Variants in SYNJ2 observed in about 807,000 individuals in gnomAD.
The protein encoded by SYNJ2 is synaptojanin 2, also known as polyphosphatidylinositol phosphatase SYNJ2.
In SYNJ2, 116 loss-of-function variants were observed where a neutral mutation model predicts 141.3. The observed-to-expected ratio is 0.82, with a 90% CI of 0.71 to 0.96. SYNJ2 has a LOEUF of 0.96. Ranked by LOEUF, SYNJ2 falls within the 40% of genes least tolerant of loss-of-function variation. SYNJ2 has a pLI of 0.00. For missense variants in SYNJ2, 1,873 were observed against 1,934.8 expected (o/e 0.97, Z 0.60); for synonymous variants, 745 against 777.7 (o/e 0.96, Z 0.70).
At chr6:158,068,561 C>T (rs909365408) in intron 12 of SYNJ2, 86 bp from the exon 13 acceptor site, 41 of 1,468,302 alleles carry the variant, frequency 2.8e-5, no homozygotes, top group Non-Finnish European at 3.6e-5. Context: ...CAGCATGACT[C>T]GGGAGAGGGC....
At chr6:158,079,473 A>G (rs1345361120) in intron 18 of SYNJ2, 3 of 151,426 alleles carry the variant, frequency 2.0e-5, no homozygotes, top group African/African-American at 7.3e-5. Context: ...CCAGGGTATA[A>G]GTGATTTTCA....
chr6:158,065,063 G>A, intron 11 of SYNJ2, 72 bp downstream of exon 11: 1 of 1,454,244 alleles, frequency 6.9e-7, no homozygotes, highest in South Asian at 1.4e-5. Flanking sequence ...CACCGCCTCT[G>A]TGCTATCCAG....
At chr6:158,094,082 A>G (rs984203316) in intron 26 of SYNJ2, 14 of 711,476 alleles carry the variant, frequency 2.0e-5, no homozygotes, top group African/African-American at 1.2e-4. Context: ...CTTCCCCCCT[A>G]GAGAGTGTGA....
chr6:157,981,519 C>T (rs557964214), upstream of SYNJ2, among the ~76,000 whole-genome samples: 1 of 152,288 alleles, frequency 6.6e-6, no homozygotes, highest in East Asian at 1.9e-4. This position sits in a 1 kb window ranked among gnomAD's most constrained non-coding sequence, Gnocchi z 6.4. Context: ...GAACAGTCAG[C>T]GGGTCCAGCC....
At position 158,097,851 on chromosome 6, in the gene SYNJ2, A is replaced by AAAT. The variant is rs1783870207; in HGVS notation, c.*1489_*1490insTAA. 6.6e-6 allele frequency: 1 copy of AAAT among 152,070 alleles called. No homozygotes were observed. The highest frequency in any genetic ancestry group is 6.6e-5 in the Admixed American group (1 of 15,264). The allele number at this position is 152,070 out of a possible 1,614,324, so 9.4% of individuals were successfully genotyped here. ...TAATACCTGGAAAAGGATAAAAAAA[A>AAAT]AAAGGAATCCGTGACCCACAGAGCT... On this transcript the variant is annotated 3_prime_UTR_variant, in exon 27 of 27. Coordinates refer to ENST00000355585, the MANE Select transcript of SYNJ2 (RefSeq NM_003898.4).
intron 4 of SYNJ2, among the ~76,000 whole-genome samples, chr6:158,042,144 C>T (rs1288944668): frequency 2.0e-5 from 3 of 152,254 alleles, no homozygotes; most frequent in South Asian, 2.1e-4. Flanking sequence ...TGTCTGTAGC[C>T]GTTCAAGCAA....
chr6:158,000,505 C>T (rs1187676866), intron 1 of SYNJ2, among the ~76,000 whole-genome samples: 1 of 152,130 alleles, frequency 6.6e-6, no homozygotes, highest in Non-Finnish European at 1.5e-5. Flanking sequence ...GAAAACAGGT[C>T]CCAGTGGGTC....
At chr6:158,074,869 G>C (rs1782168807) in intron 16 of SYNJ2, 131 bp downstream of exon 16, 1 of 1,144,836 alleles carries the variant, frequency 8.7e-7, no homozygotes, top group Admixed American at 2.6e-5. Context: ...GTAGAAAATA[G>C]GTGGGCTTGT....
At chr6:157,991,804 A>G (rs1777436340) in intron 1 of SYNJ2, among the ~76,000 whole-genome samples, 1 of 152,190 alleles carries the variant, frequency 6.6e-6, no homozygotes, top group South Asian at 2.1e-4. Flanking sequence ...ATGCTTATGA[A>G]TTAATGAAAA....
rs1022640173 is a variant in SYNJ2, at chr6:158,098,483, A to G, written c.*2119A>G. On this transcript the variant is annotated 3_prime_UTR_variant, in exon 27 of 27. Coordinates refer to ENST00000355585, the MANE Select transcript of SYNJ2 (RefSeq NM_003898.4). ...GTGGCTGTCAAATTTAGTGAACAAC[A>G]TAGATTGGATTTGGAGTTGGTAGTA... 6.6e-6 allele frequency: 1 copy of G among 152,068 alleles called. No individual in the cohort carries two copies. Among genetic ancestry groups the G allele is most frequent in the Non-Finnish European group, 1.5e-5 (1 of 68,018 alleles). The allele number at this position is 152,068 out of a possible 1,614,324, so 9.4% of individuals were successfully genotyped here.
In SYNJ2 at chr6:158,098,435, T is replaced by G. The variant is rs954561716; in HGVS notation, c.*2071T>G. 6.6e-6 allele frequency: 1 copy of G among 152,076 alleles called. No homozygotes were observed. The highest frequency in any genetic ancestry group is 2.4e-5 in the African/African-American group (1 of 41,400). 9.4% of individuals were successfully genotyped at this position (152,076 alleles called of 1,614,324 possible). A position where few individuals can be genotyped will look rare whatever the true frequency, so the allele number is the denominator to read the frequency against. On this transcript the variant is annotated 3_prime_UTR_variant, in exon 27 of 27. Coordinates refer to ENST00000355585, the MANE Select transcript of SYNJ2 (RefSeq NM_003898.4). ...AATCACAAAAAAGTTACGAGGAGTT[T>G]AAGAGTTAAATATTATTTGATCGTG...
Position 158,069,514 on chromosome 6 carries a change from CT to C in SYNJ2, c.1800-16del, listed in dbSNP as rs1371444967. 2 of 1,607,286 alleles carry C rather than the reference CT, an allele frequency of 1.2e-6. No homozygotes were observed. Among genetic ancestry groups the C allele is most frequent in the Admixed American group, 3.4e-5 (2 of 59,490 alleles). On this transcript the variant is annotated intron_variant, in intron 13 of 26. Coordinates refer to ENST00000355585, the MANE Select transcript of SYNJ2 (RefSeq NM_003898.4). ...CTTCCAGCTACCTGTAAACAGCATC[CT>C]TTCCTTTTCTCTTCCAGTACTACCA...
At chr6:158,028,517 G>A (rs1779182162) in intron 2 of SYNJ2, 4 of 569,898 alleles carry the variant, frequency 7.0e-6, no homozygotes, top group Admixed American at 3.1e-5. Context: ...ATGTCTAACA[G>A]GCTCCCAGGG....
rs1254577136 is a variant in SYNJ2, at chr6:157,981,952, C to T, written c.-10C>T. 1.6e-6 allele frequency: 2 copies of T among 1,230,984 alleles called. No individual in the cohort carries two copies. Among genetic ancestry groups the T allele is most frequent in the Non-Finnish European group, 2.0e-6 (2 of 986,832 alleles). The allele number at this position is 1,230,984 out of a possible 1,614,324, so 76.3% of individuals were successfully genotyped here. On this transcript the variant is annotated 5_prime_UTR_variant, in exon 1 of 27. Transcript: ENST00000355585. The surrounding 1 kb of genome is among the most constrained non-coding windows in gnomAD (Gnocchi z 6.4). ...GGCCCCGGCCCCCGCCCGCAGTGGG[C>T]CCGACCCTCATGGCCCTGAGCAAAG...
chr6:158,015,751 C>T (rs1392903984), intron 1 of SYNJ2, among the ~76,000 whole-genome samples: 1 of 152,160 alleles, frequency 6.6e-6, no homozygotes, highest in Non-Finnish European at 1.5e-5. Flanking sequence ...GCTGATAAGG[C>T]ACATATATTG....
At chr6:157,997,356 C>T (rs1249880534) in intron 1 of SYNJ2, among the ~76,000 whole-genome samples, 5 of 152,108 alleles carry the variant, frequency 3.3e-5, no homozygotes, top group Non-Finnish European at 7.4e-5. Context: ...ATAGGGTGGG[C>T]CTTTAATCCA....
intron 4 of SYNJ2, among the ~76,000 whole-genome samples, chr6:158,039,792 G>A (rs1023434782): frequency 6.6e-6 from 1 of 152,118 alleles, no homozygotes; most frequent in Non-Finnish European, 1.5e-5. Flanking sequence ...GGAAATTAGT[G>A]CTGAGCCTCC....
chr6:157,987,341 A>G lies in SYNJ2; in HGVS notation c.127+5253A>G, dbSNP rs143009127. Among the ~76,000 whole-genome samples the G allele has an allele frequency of 5.3e-5, 8 of 152,180 alleles. No homozygotes were observed. The East Asian group carries it at 1.4e-3, about 26-fold the overall frequency. On this transcript the variant is annotated intron_variant, in intron 1 of 26. Transcript: ENST00000355585. The stretch of plus-strand genomic sequence containing the variant: ...GTACAAAGTGATCATATATGTGTAC[A>G]ATGTGGAATGATTAAATCAAGATGA...
chr6:158,033,754 TG>T, intron 4 of SYNJ2, 74 bp downstream of exon 4: 1 of 1,475,428 alleles, frequency 6.8e-7, no homozygotes, highest in Non-Finnish European at 9.2e-7. Flanking sequence ...GCTTTCCACT[TG>T]GGGCAGAAGA....
Sources: gnomAD v4.1 joint callset for allele counts (sites outside exome capture counted in the v4.1 genomes callset) on GRCh38, gnomAD v4.1.1 for gene constraint, Gnocchi (gnomAD v3.1) non-coding constraint, MANE v1.5 for transcripts, NCBI Gene and HGNC (gene_info 2026-07-23, HGNC 2026-07-21) for gene names.